MSI1: variants seen among roughly 807,000 people sequenced by gnomAD.
MSI1 encodes musashi RNA binding protein 1, also known as RNA-binding protein Musashi homolog 1.
In MSI1, 15 loss-of-function variants were observed where a neutral mutation model predicts 54.4. The observed-to-expected ratio is 0.28, with a 90% CI of 0.18 to 0.42. The LOEUF is 0.42. Among genes scored for constraint, MSI1 ranks in the 20% least tolerant of loss-of-function variants. The pLI is 1.00. For missense variants in MSI1, 304 were observed against 506.0 expected (o/e 0.60, Z 3.83); for synonymous variants, 200 against 196.5 (o/e 1.02, Z -0.15).
At chr12:120,363,524 G>A (rs1875823599) in intron 5 of MSI1, among the ~76,000 whole-genome samples, 1 of 151,996 alleles carries the variant, frequency 6.6e-6, no homozygotes, top group African/African-American at 2.4e-5. Context: ...ACTCAGTGCC[G>A]ACATTTTCCT....
intron 7 of MSI1, among the ~76,000 whole-genome samples, chr12:120,358,629 G>C (rs1875348877): frequency 6.6e-6 from 1 of 152,178 alleles, no homozygotes; most frequent in South Asian, 2.1e-4. Flanking sequence ...GCTGGGGGCT[G>C]GGGGCTGGGC....
At chr12:120,365,940 G>C (rs1436624513) in intron 4 of MSI1, among the ~76,000 whole-genome samples, 1 of 152,172 alleles carries the variant, frequency 6.6e-6, no homozygotes, top group Non-Finnish European at 1.5e-5. Context: ...TTTGTGAACT[G>C]CCCTTCATTG....
intron 10 of MSI1, among the ~76,000 whole-genome samples, 158 bp from the exon 11 acceptor site, chr12:120,351,558 A>AG (rs1874598711): frequency 6.6e-6 from 1 of 151,796 alleles, no homozygotes; most frequent in South Asian, 2.1e-4. Flanking sequence ...CCCAGAAGGC[A>AG]GGGGAGGGCA....
rs181246917 is a variant in MSI1, at chr12:120,356,886, G to A, written c.652+16C>T. The A allele has an allele frequency of 4.2e-4, 684 of 1,609,584 alleles. No homozygotes were observed. The African/African-American group carries it at 5.2e-3, about 12-fold the overall frequency. On this transcript the variant is annotated intron_variant, in intron 9 of 14. Coordinates refer to ENST00000257552, the MANE Select transcript of MSI1 (RefSeq NM_002442.4). ...GTTCTGGCAGAAAGAAGCCGCAGGCGCAGGCTCGCGCATACCCAGCATGCC... is the reference window on the plus strand; with the variant it reads ...GTTCTGGCAGAAAGAAGCCGCAGGCACAGGCTCGCGCATACCCAGCATGCC...
At chr12:120,346,841 T>C (rs1179433) in intron 12 of MSI1, among the ~76,000 whole-genome samples, 111,149 of 152,094 alleles carry the variant, frequency 0.73, 40,877 homozygotes, top group South Asian at 0.78. Context: ...CCTCTGGTAC[T>C]GGACTCCCCC....
intron 6 of MSI1, among the ~76,000 whole-genome samples, chr12:120,362,750 G>T (rs780000436): frequency 1.3e-5 from 2 of 152,340 alleles, no homozygotes; most frequent in Middle Eastern, 3.4e-3. Context: ...GGCTGTGGGA[G>T]CACTGCCTCC....
intron 14 of MSI1, among the ~76,000 whole-genome samples, chr12:120,344,040 G>A (rs1873911288): frequency 6.6e-6 from 1 of 152,096 alleles, no homozygotes; most frequent in South Asian, 2.1e-4. Flanking sequence ...ATTTTTAGTA[G>A]AGATGGGGTT....
rs1430205043 is a variant in MSI1 at position 120,351,416 on chromosome 12, A to G, written c.734-16T>C. The G allele has an allele frequency of 6.2e-7, 1 of 1,612,964 alleles. No homozygotes were observed. Among genetic ancestry groups the G allele is most frequent in the Admixed American group, 1.7e-5 (1 of 59,922 alleles). On this transcript the variant is annotated splice_polypyrimidine_tract_variant and intron_variant, in intron 10 of 14. Transcript: ENST00000257552. ...ACACGGAATTCTAAAATGAAACGTA[A>G]AACAGCTTAGGAAGAAGCAGGGGAG...
intron 4 of MSI1, among the ~76,000 whole-genome samples, chr12:120,366,887 C>T (rs1876051048): frequency 6.6e-6 from 1 of 152,160 alleles, no homozygotes; most frequent in South Asian, 2.1e-4. Flanking sequence ...GCCATCAGTG[C>T]ATTCTGAGGA....
At chr12:120,340,511 TCTCTC>T (rs1305211290), downstream of MSI1, among the ~76,000 whole-genome samples, 2 of 152,074 alleles carry the variant, frequency 1.3e-5, no homozygotes. Flanking sequence ...TCTCCCTCTC[TCTCTC>T]TTCTTTTTTT....
At chr12:120,367,958 C>T (rs1408164407) in intron 4 of MSI1, 50 bp downstream of exon 4, 3 of 1,549,854 alleles carry the variant, frequency 1.9e-6, no homozygotes, top group Admixed American at 1.9e-5. Context: ...CCCTCTCCTC[C>T]GGCAGCCTCC....
intron 10 of MSI1, among the ~76,000 whole-genome samples, chr12:120,352,837 A>G (rs897746825): frequency 6.6e-6 from 1 of 152,200 alleles, no homozygotes; most frequent in African/African-American, 2.4e-5. Context: ...CGTGGTAATG[A>G]TAATGCTTTT....
intron 10 of MSI1, 56 bp from the exon 11 acceptor site, chr12:120,351,456 G>T: frequency 6.5e-7 from 1 of 1,533,548 alleles, no homozygotes; most frequent in Non-Finnish European, 9.0e-7. Flanking sequence ...CTTGGACATG[G>T]CCCAGGGAGG....
intron 11 of MSI1, among the ~76,000 whole-genome samples, chr12:120,349,529 C>A (rs1176088259): frequency 1.3e-5 from 2 of 152,188 alleles, no homozygotes; most frequent in African/African-American, 2.4e-5. Flanking sequence ...CCACCACCCC[C>A]GGCCTGTTTA....
intron 11 of MSI1, 74 bp downstream of exon 11, chr12:120,351,270 C>T: frequency 1.4e-6 from 2 of 1,381,130 alleles, no homozygotes; most frequent in Non-Finnish European, 2.0e-6. Flanking sequence ...GCTAGCTTTC[C>T]CCAGGAAACT....
chr12:120,352,239 T>C (rs1874676771), intron 10 of MSI1, among the ~76,000 whole-genome samples: 1 of 151,992 alleles, frequency 6.6e-6, no homozygotes, highest in South Asian at 2.1e-4. Context: ...ACTCATGGGC[T>C]CAAGCCATCC....
chr12:120,361,773 G>C (rs1424017294), intron 6 of MSI1, among the ~76,000 whole-genome samples: 1 of 151,282 alleles, frequency 6.6e-6, no homozygotes, highest in Non-Finnish European at 1.5e-5. Flanking sequence ...TGTCCCCCTC[G>C]CTCCCTGGCA....
At chr12:120,362,168 A>C (rs563723201) in intron 6 of MSI1, among the ~76,000 whole-genome samples, 16 of 144,284 alleles carry the variant, frequency 1.1e-4, no homozygotes, top group East Asian at 6.2e-4. Context: ...TCCCCCCCCC[A>C]CACAATCCCA....
chr12:120,355,278 G>A (rs918184041), intron 9 of MSI1, among the ~76,000 whole-genome samples: 3 of 151,470 alleles, frequency 2.0e-5, no homozygotes, highest in Non-Finnish European at 2.9e-5. Flanking sequence ...GGTGGCGGGC[G>A]CCTGTAGTCC....
Sources: gnomAD v4.1 joint callset for allele counts (sites outside exome capture counted in the v4.1 genomes callset) on GRCh38, gnomAD v4.1.1 for gene constraint, MANE v1.5 for transcripts, NCBI Gene and HGNC (gene_info 2026-07-23, HGNC 2026-07-21) for gene names.